MLLT10: variants seen among roughly 807,000 people sequenced by gnomAD.
MLLT10 encodes the protein MLLT10 histone lysine methyltransferase DOT1L cofactor, also known as protein AF-10.
A neutral mutation model predicts 129.1 loss-of-function variants in MLLT10; 30 were observed. The observed-to-expected ratio is 0.23, with a 90% CI of 0.17 to 0.32. The LOEUF (loss-of-function observed/expected upper bound fraction) is 0.32. Among genes scored for constraint, MLLT10 ranks in the 10% least tolerant of loss-of-function variants. MLLT10 has a pLI of 1.00. For synonymous variants in MLLT10, 490 were observed against 446.4 expected, an observed-to-expected ratio of 1.10 and a Z score of -1.23; for missense variants, 1,119 against 1,268.3, an observed-to-expected ratio of 0.88 and a Z score of 1.79.
chr10:21,609,456 C>T (rs935095981), intron 5 of MLLT10, among the ~76,000 whole-genome samples: 3 of 152,080 alleles, frequency 2.0e-5, no homozygotes, highest in South Asian at 2.1e-4. Context: ...TACTGTAGCC[C>T]CCTGAGCTTT....
intron 9 of MLLT10, among the ~76,000 whole-genome samples, chr10:21,663,295 C>T (rs1158039792): frequency 1.3e-5 from 2 of 152,096 alleles, no homozygotes; most frequent in Non-Finnish European, 2.9e-5. Flanking sequence ...TTTTCTTTCC[C>T]TGGTACTGGT....
chr10:21,623,919 G>A (rs1006804477), intron 8 of MLLT10, among the ~76,000 whole-genome samples: 5 of 151,148 alleles, frequency 3.3e-5, no homozygotes, highest in Non-Finnish European at 7.4e-5. Flanking sequence ...TTAATCTATG[G>A]TTCTTTTTTT....
At chr10:21,592,500 G>C (rs2042604109) in intron 4 of MLLT10, among the ~76,000 whole-genome samples, 1 of 150,894 alleles carries the variant, frequency 6.6e-6, no homozygotes, top group Non-Finnish European at 1.5e-5. Flanking sequence ...CTGTCGCCCA[G>C]GCTGGAGCGT....
At chr10:21,600,667 T>C (rs1009337879) in intron 5 of MLLT10, among the ~76,000 whole-genome samples, 3 of 152,228 alleles carry the variant, frequency 2.0e-5, no homozygotes, top group Non-Finnish European at 4.4e-5. Flanking sequence ...GTGCTTAAAT[T>C]GATTTTTCTT....
At chr10:21,550,218 A>G (rs1415634810) in intron 3 of MLLT10, among the ~76,000 whole-genome samples, 1 of 152,146 alleles carries the variant, frequency 6.6e-6, no homozygotes, top group Non-Finnish European at 1.5e-5. Flanking sequence ...CCTTTAGATA[A>G]TAGATTTTGG....
chr10:21,731,475 G>C (rs2131574765), intron 17 of MLLT10, among the ~76,000 whole-genome samples: 1 of 152,056 alleles, frequency 6.6e-6, no homozygotes, highest in East Asian at 1.9e-4. Flanking sequence ...ACTGTACTTT[G>C]TTCTTATCAA....
chr10:21,592,994 G>GT (rs2042660129), intron 4 of MLLT10, among the ~76,000 whole-genome samples: 1 of 151,550 alleles, frequency 6.6e-6, no homozygotes, highest in Non-Finnish European at 1.5e-5. Context: ...TCCATTTTTT[G>GT]TATTTCTTAC....
chr10:21,612,075 C>T (rs2044714413), intron 5 of MLLT10, among the ~76,000 whole-genome samples: 1 of 152,034 alleles, frequency 6.6e-6, no homozygotes, highest in Non-Finnish European at 1.5e-5. Context: ...AGCCTCAGTG[C>T]CTGGGAAGAG....
intron 5 of MLLT10, among the ~76,000 whole-genome samples, chr10:21,607,802 T>G (rs934092163): frequency 1.3e-5 from 2 of 152,224 alleles, no homozygotes; most frequent in Admixed American, 6.5e-5. Flanking sequence ...TCCTACATGG[T>G]CCTTATCAGA....
At chr10:21,651,638 A>C in intron 8 of MLLT10, 35 bp from the exon 9 acceptor site, 1 of 1,491,830 alleles carries the variant, frequency 6.7e-7, no homozygotes, top group East Asian at 2.3e-5. Flanking sequence ...GTTATAGTTA[A>C]ATTAAAATTG....
chr10:21,729,865 AACATTACATGTTCATCTTAAT>A (rs1221863136), intron 16 of MLLT10, among the ~76,000 whole-genome samples: 1 of 152,214 alleles, frequency 6.6e-6, no homozygotes, highest in African/African-American at 2.4e-5. Flanking sequence ...AAGTGTAGAG[AACATTACATGTTCATCTTAAT>A]ACAAGTGCTG....
intron 8 of MLLT10, among the ~76,000 whole-genome samples, chr10:21,644,546 A>G (rs1044099312): frequency 2.6e-5 from 4 of 152,114 alleles, no homozygotes; most frequent in African/African-American, 7.2e-5. Flanking sequence ...AACACAGTGC[A>G]TTATTAAATG....
chr10:21,721,384 A>G (rs1340685724), intron 14 of MLLT10, among the ~76,000 whole-genome samples: 1 of 152,162 alleles, frequency 6.6e-6, no homozygotes, highest in Non-Finnish European at 1.5e-5. Context: ...ATTAGGCAGG[A>G]AAAAAATCTA....
chr10:21,552,086 C>T (rs2037149282), intron 3 of MLLT10, among the ~76,000 whole-genome samples: 1 of 152,098 alleles, frequency 6.6e-6, no homozygotes, highest in African/African-American at 2.4e-5. Context: ...ACCGCCATGC[C>T]TGTGTAATTT....
intron 11 of MLLT10, among the ~76,000 whole-genome samples, chr10:21,674,338 G>A (rs376126909): frequency 4.6e-5 from 7 of 150,894 alleles, no homozygotes; most frequent in Non-Finnish European, 1.0e-4. Context: ...TTCAATTTTA[G>A]TAATCATTTT....
intron 13 of MLLT10, among the ~76,000 whole-genome samples, chr10:21,686,032 C>T (rs1322751172): frequency 6.6e-6 from 1 of 152,136 alleles, no homozygotes; most frequent in Non-Finnish European, 1.5e-5. Flanking sequence ...TGCTAGTTTT[C>T]AACTGGACTA....
At chr10:21,629,746 AATATATTTATTGGTAG>A (rs1414280779) in intron 8 of MLLT10, among the ~76,000 whole-genome samples, 1 of 152,212 alleles carries the variant, frequency 6.6e-6, no homozygotes, top group Non-Finnish European at 1.5e-5. Context: ...GTAGAGTTTC[AATATATTTATTGGTAG>A]ATAAAGTGGG....
At chr10:21,738,353 C>G (rs1325146034) in intron 21 of MLLT10, 1 of 1,242,410 alleles carries the variant, frequency 8.0e-7, no homozygotes, top group Non-Finnish European at 1.1e-6. Flanking sequence ...AGCACTAAAA[C>G]TCCATTTATT....
At chr10:21,729,981 GGGCTGGGCACGGT>G (rs2057821289) in intron 16 of MLLT10, among the ~76,000 whole-genome samples, 1 of 151,844 alleles carries the variant, frequency 6.6e-6, no homozygotes, top group Admixed American at 6.6e-5. Flanking sequence ...ATTGCTTTGG[GGGCTGGGCACGGT>G]GGCTCATGCC....
Sources: gnomAD v4.1 joint callset for allele counts (sites outside exome capture counted in the v4.1 genomes callset) on GRCh38, gnomAD v4.1.1 for gene constraint, MANE v1.5 for transcripts, NCBI Gene and HGNC (gene_info 2026-07-23, HGNC 2026-07-21) for gene names.